Variants in DPP6 observed in about 807,000 individuals in gnomAD.
DPP6 encodes the protein dipeptidyl peptidase like 6, also known as A-type potassium channel modulatory protein DPP6.
In DPP6, 69 loss-of-function variants were observed where a neutral mutation model predicts 122.6. That is an observed-to-expected ratio of 0.56 (90% confidence interval 0.46 to 0.69). DPP6 has a LOEUF of 0.69. Ranked by LOEUF, DPP6 falls within the 30% of genes least tolerant of loss-of-function variation. The pLI is 0.00. For synonymous variants in DPP6, 418 were observed against 433.1 expected, an observed-to-expected ratio of 0.97 and a Z score of 0.43; for missense variants, 928 against 1,116.9, an observed-to-expected ratio of 0.83 and a Z score of 2.41.
the DPP6 span, among the ~76,000 whole-genome samples, chr7:153,815,773 T>C: frequency 6.6e-6 from 1 of 152,216 alleles, no homozygotes; most frequent in Non-Finnish European, 1.5e-5. Context: ...CATCTCTGTA[T>C]TGTGAGTTAT....
chr7:154,584,376 C>T (rs1832292148), intron 5 of DPP6, among the ~76,000 whole-genome samples: 1 of 152,252 alleles, frequency 6.6e-6, no homozygotes, highest in Non-Finnish European at 1.5e-5. Flanking sequence ...CGTGCACACC[C>T]ACGGGGACCA....
chr7:154,889,366 T>A, intron 24 of DPP6, 22 bp downstream of exon 24: 1 of 1,611,728 alleles, frequency 6.2e-7, no homozygotes, highest in Non-Finnish European at 8.5e-7. Context: ...AAACATGAAT[T>A]CACTGTGTAT....
chr7:154,696,228 G>A (rs1180268347), intron 7 of DPP6, among the ~76,000 whole-genome samples: 2 of 152,162 alleles, frequency 1.3e-5, no homozygotes, highest in Admixed American at 6.5e-5. Flanking sequence ...ACTGACACGG[G>A]GCACAGCCAC....
intron 1 of DPP6, among the ~76,000 whole-genome samples, chr7:153,972,808 T>G (rs1796089578): frequency 6.6e-6 from 1 of 151,768 alleles, no homozygotes; most frequent in African/African-American, 2.4e-5. Flanking sequence ...TCTCTGAGCC[T>G]CAGTATTGTA....
At position 154,015,074 on chromosome 7, in the gene DPP6, T is replaced by G. The variant is rs574789283; in HGVS notation, c.51+127340T>G. Reference sequence around the variant, plus strand: ...TTTAATGAAATGAGAAAGTAAGAAGTGCCTGAATATTGGTGGTGGTTCTCA... The same window carrying G: ...TTTAATGAAATGAGAAAGTAAGAAGGGCCTGAATATTGGTGGTGGTTCTCA... On this transcript the variant is annotated intron_variant, in intron 1 of 25. Coordinates refer to the DPP6 transcript ENST00000404039. 1.3e-3 allele frequency among the ~76,000 whole-genome samples: 193 copies of G among 152,272 alleles called. 1 individual carries two copies. The highest frequency in any genetic ancestry group is 2.5e-3 in the Non-Finnish European group (169 of 68,030).
chr7:154,831,024 G>A (rs1486969053), intron 16 of DPP6, among the ~76,000 whole-genome samples: 10 of 152,304 alleles, frequency 6.6e-5, no homozygotes, highest in East Asian at 3.9e-4. Flanking sequence ...GCCTCTCACC[G>A]TCCACGCCCA....
intron 4 of DPP6, among the ~76,000 whole-genome samples, chr7:154,548,464 G>T (rs1346002126): frequency 6.6e-6 from 1 of 151,210 alleles, no homozygotes; most frequent in Non-Finnish European, 1.5e-5. Flanking sequence ...GGAGGCAGAG[G>T]GTACAGTGAG....
chr7:153,855,660 C>T, the DPP6 span, among the ~76,000 whole-genome samples: 1 of 152,144 alleles, frequency 6.6e-6, no homozygotes, highest in Non-Finnish European at 1.5e-5. Flanking sequence ...CCCAAATCTA[C>T]CAGTGTACTT....
At chr7:154,348,273 G>T (rs1438638363) in intron 1 of DPP6, among the ~76,000 whole-genome samples, 1 of 152,160 alleles carries the variant, frequency 6.6e-6, no homozygotes, top group African/African-American at 2.4e-5. Flanking sequence ...AAATAGAGAG[G>T]TTTTCGTTAC....
At chr7:153,831,497 C>T in the DPP6 span, among the ~76,000 whole-genome samples, 65 of 152,160 alleles carry the variant, frequency 4.3e-4, no homozygotes, top group African/African-American at 1.3e-3. Flanking sequence ...GGGTGGCAAA[C>T]GTTTTCTATA....
At chr7:154,853,964 C>A in intron 17 of DPP6, 137 bp downstream of exon 17, 5 of 1,169,096 alleles carry the variant, frequency 4.3e-6, no homozygotes, top group Non-Finnish European at 6.0e-6. Context: ...TCAGAATAGG[C>A]CATGCTGATC....
rs367797577 is a variant in DPP6 at position 154,803,935 on chromosome 7, C to T, written c.1479C>T (p.Tyr493=). 3.6e-4 allele frequency: 574 copies of T among 1,613,610 alleles called. 2 individuals are homozygous for T. Among genetic ancestry groups the T allele is most frequent in the Admixed American group, 7.8e-4 (47 of 59,986 alleles). Residue 493 remains tyrosine (Y), a synonymous_variant, in exon 14 of 26, where the codon TAC becomes TAT. Transcript: ENST00000377770. ...GDWDVTKILA[Y]DEKGNKIYFL... is the part of the protein sequence containing the mutation. ...GGGACGTGACCAAGATCCTAGCCTACGATGAGAAGGGGAATAAGATGTGAG... is the reference window on the plus strand; with the variant it reads ...GGGACGTGACCAAGATCCTAGCCTATGATGAGAAGGGGAATAAGATGTGAG...
upstream of DPP6, among the ~76,000 whole-genome samples, chr7:154,048,666 A>G (rs888042741): frequency 4.4e-5 from 4 of 91,580 alleles, 2 homozygotes; most frequent in African/African-American, 1.6e-4. Flanking sequence ...ATTTCTTCAA[A>G]TATTAGTATT....
intron 6 of DPP6, among the ~76,000 whole-genome samples, chr7:154,646,780 A>G (rs566311724): frequency 1.5e-3 from 222 of 152,224 alleles, no homozygotes; most frequent in Admixed American, 2.9e-3. Context: ...GTGACTTTGA[A>G]TTGCAAAAGT....
intron 8 of DPP6, among the ~76,000 whole-genome samples, chr7:154,750,155 A>T (rs1187761112): frequency 6.6e-6 from 1 of 152,190 alleles, no homozygotes; most frequent in Non-Finnish European, 1.5e-5. Flanking sequence ...ATGGTCAAAA[A>T]CACGGATGGC....
chr7:153,902,712 T>G, intron 1 of DPP6, among the ~76,000 whole-genome samples: 1 of 152,070 alleles, frequency 6.6e-6, no homozygotes, highest in Admixed American at 6.6e-5. Context: ...GGCAGGTGCC[T>G]GTAATCCCAG....
At chr7:154,126,019 T>C (rs1228927886) in intron 1 of DPP6, among the ~76,000 whole-genome samples, 1 of 152,208 alleles carries the variant, frequency 6.6e-6, no homozygotes, top group Non-Finnish European at 1.5e-5. Context: ...CTTCAATTCT[T>C]GATTCCATTC....
intron 1 of DPP6, among the ~76,000 whole-genome samples, chr7:154,251,491 G>C (rs1802348532): frequency 6.6e-6 from 1 of 152,198 alleles, no homozygotes; most frequent in African/African-American, 2.4e-5. Flanking sequence ...ATATATAAAA[G>C]GGAGTTAATT....
chr7:154,633,541 T>G (rs2130907564), intron 5 of DPP6, among the ~76,000 whole-genome samples: 1 of 152,170 alleles, frequency 6.6e-6, no homozygotes, highest in Non-Finnish European at 1.5e-5. Flanking sequence ...TGGCCTAGAG[T>G]CTATTATTTT....
Sources: allele counts gnomAD v4.1 joint callset (sites outside exome capture counted in the v4.1 genomes callset), GRCh38; gene constraint gnomAD v4.1.1; transcripts MANE v1.5; gene names NCBI Gene and HGNC (gene_info 2026-07-23, HGNC 2026-07-21).